The following RALGAPA2 variants were observed in gnomAD, a reference collection of about 807,000 sequenced individuals.
RALGAPA2 encodes Ral GTPase activating protein catalytic subunit alpha 2.
A neutral mutation model predicts 230.4 loss-of-function variants in RALGAPA2; 139 were observed. The observed-to-expected ratio is 0.60, with a 90% confidence interval of 0.53 to 0.69. The LOEUF (loss-of-function observed/expected upper bound fraction) is 0.69, where lower values mean the gene tolerates loss of function less well. Ranked by LOEUF, RALGAPA2 falls within the 30% of genes least tolerant of loss-of-function variation. RALGAPA2 has a pLI of 0.00. For missense variants in RALGAPA2, 2,163 were observed against 2,276.0 expected, an observed-to-expected ratio of 0.95 and a Z score of 1.01; for synonymous variants, 847 against 837.8, an observed-to-expected ratio of 1.01 and a Z score of -0.19.
At chr20:20,585,506 G>A (rs1007131881) in intron 18 of RALGAPA2, among the ~76,000 whole-genome samples, 1 of 152,076 alleles carries the variant, frequency 6.6e-6, no homozygotes, top group African/African-American at 2.4e-5. Flanking sequence ...TGCTTGGAGA[G>A]ACAAAACATA....
At chr20:20,699,871 G>C (rs1191258155) in intron 1 of RALGAPA2, among the ~76,000 whole-genome samples, 1 of 152,152 alleles carries the variant, frequency 6.6e-6, no homozygotes, top group Non-Finnish European at 1.5e-5. Context: ...ATGTAAATTA[G>C]CTCAGCCAAT....
chr20:20,485,823 T>C (rs1404858497), intron 36 of RALGAPA2, among the ~76,000 whole-genome samples: 3 of 152,204 alleles, frequency 2.0e-5, no homozygotes, highest in African/African-American at 4.8e-5. Context: ...CTGGAACATA[T>C]TGTTATCTGT....
At position 20,511,260 on chromosome 20, in the gene RALGAPA2, CG is replaced by C; in HGVS notation, c.4921del (p.Arg1641AlafsTer77). 6.3e-7 allele frequency: 1 copy of C among 1,575,650 alleles called. No homozygotes were observed. Among genetic ancestry groups the C allele is most frequent in the Non-Finnish European group, 8.6e-7 (1 of 1,159,722 alleles). On this transcript the variant is annotated frameshift_variant, in exon 33 of 40. Transcript: ENST00000202677. LOFTEE classifies it high-confidence loss of function. ...LLRELKNLDS[R>X]QCRETHKIAV... ...TTGATATACTTTCACATACCACTGG[CG>C]GGAGTCCAAATTTTTCAGCTCTCTC...
At chr20:20,596,352 A>G (rs16982011) in intron 16 of RALGAPA2, among the ~76,000 whole-genome samples, 1,671 of 152,368 alleles carry the variant, frequency 0.011, 27 homozygotes, top group African/African-American at 0.038. Context: ...CAAAATTAGC[A>G]ATCATGTTAA....
At chr20:20,526,104 C>T in intron 28 of RALGAPA2, 148 bp downstream of exon 28, 1 of 637,968 alleles carries the variant, frequency 1.6e-6, no homozygotes, top group South Asian at 2.2e-5. Flanking sequence ...CTGAGAAGAA[C>T]CAGTCTAACT....
chr20:20,526,306 GGAA>G lies in RALGAPA2; in HGVS notation c.3636_3638del (p.Ser1213del). ...CAAACATCTGAAGCTTCTCCCAGTAGGAAACCAGCAACTGAAGGACATCGCAAG... is the reference window on the plus strand; with the variant it reads ...CAAACATCTGAAGCTTCTCCCAGTAGACCAGCAACTGAAGGACATCGCAAG... On this transcript the variant is annotated inframe_deletion, in exon 28 of 40. Transcript: ENST00000202677. 1 of 1,608,806 alleles carries G rather than the reference GGAA, an allele frequency of 6.2e-7. No homozygotes were observed. Among genetic ancestry groups the G allele is most frequent in the Non-Finnish European group, 8.5e-7 (1 of 1,178,636 alleles).
Position 20,556,319 on chromosome 20 carries a change from G to A in RALGAPA2, c.3157-9487C>T, listed in dbSNP as rs148919736. ...ATCAAGAGGGGCTGCTGTCTTTCACGTGTGCTTCCTATAATGGGCACTTCA... is the reference window on the plus strand; with the variant it reads ...ATCAAGAGGGGCTGCTGTCTTTCACATGTGCTTCCTATAATGGGCACTTCA... On this transcript the variant is annotated intron_variant, in intron 23 of 39. Transcript: ENST00000202677. Among the ~76,000 whole-genome samples, 11 of 152,288 alleles carry A rather than the reference G, an allele frequency of 7.2e-5. No homozygotes were observed. In the East Asian group the frequency reaches 2.1e-3, roughly 29 times the overall value.
chr20:20,442,314 A>G (rs1569404120), intron 37 of RALGAPA2, among the ~76,000 whole-genome samples: 1 of 152,230 alleles, frequency 6.6e-6, no homozygotes, highest in Non-Finnish European at 1.5e-5. Context: ...GCCAAGAGAT[A>G]CTTGGTGGGA....
chr20:20,616,847 G>A (rs2056749001), intron 12 of RALGAPA2, among the ~76,000 whole-genome samples: 1 of 152,172 alleles, frequency 6.6e-6, no homozygotes, highest in South Asian at 2.1e-4. Flanking sequence ...TAAAAGCTGA[G>A]ATTTCAAAAA....
At chr20:20,448,998 T>C (rs2060928232) in intron 37 of RALGAPA2, among the ~76,000 whole-genome samples, 1 of 152,066 alleles carries the variant, frequency 6.6e-6, no homozygotes, top group Non-Finnish European at 1.5e-5. Flanking sequence ...GGAATGCACA[T>C]CTTATTTAAC....
intron 31 of RALGAPA2, 45 bp from the exon 32 acceptor site, chr20:20,513,329 A>T: frequency 7.5e-7 from 1 of 1,328,284 alleles, no homozygotes; most frequent in Non-Finnish European, 9.7e-7. Context: ...TGGTGAATGA[A>T]GATTAAAACT....
intron 38 of RALGAPA2, among the ~76,000 whole-genome samples, chr20:20,399,343 CAAA>C (rs11396922): frequency 2.6e-5 from 3 of 115,980 alleles, no homozygotes; most frequent in Admixed American, 9.0e-5. Context: ...AACTCCGTCT[CAAA>C]AAAAAAAAAA....
chr20:20,650,538 C>A (rs2067362822), intron 4 of RALGAPA2, among the ~76,000 whole-genome samples: 2 of 152,130 alleles, frequency 1.3e-5, no homozygotes, highest in African/African-American at 4.8e-5. Context: ...AATACCCTGT[C>A]CCCCACCAGC....
intron 16 of RALGAPA2, among the ~76,000 whole-genome samples, chr20:20,600,609 A>G (rs551077422): frequency 1.1e-4 from 16 of 152,356 alleles, no homozygotes; most frequent in African/African-American, 3.6e-4. Context: ...AGCACTATAG[A>G]ATATGTTAAG....
chr20:20,594,974 C>T lies in RALGAPA2; in HGVS notation c.2204-3660G>A, dbSNP rs568220415. ...TGACCTCATGATCCACCCGCCTTGG[C>T]CTCCCAAAGTATTGGGATTACAAAG... On this transcript the variant is annotated intron_variant, in intron 16 of 39. Coordinates refer to ENST00000202677, the MANE Select transcript of RALGAPA2 (RefSeq NM_020343.4). Among the ~76,000 whole-genome samples the T allele has an allele frequency of 3.9e-5, 6 of 152,226 alleles. No homozygotes were observed. In the East Asian group the frequency reaches 9.7e-4, roughly 24 times the overall value.
Position 20,595,908 on chromosome 20 carries a change from C to T in RALGAPA2, c.2204-4594G>A, listed in dbSNP as rs182209680. On this transcript the variant is annotated intron_variant, in intron 16 of 39. Transcript: ENST00000202677. ...GGCAGAGGTTGCAGTGGGCCAAGATCGCACCAGTGCACTCCAGCCTGAGGT... is the reference window on the plus strand; with the variant it reads ...GGCAGAGGTTGCAGTGGGCCAAGATTGCACCAGTGCACTCCAGCCTGAGGT... Among the ~76,000 whole-genome samples the T allele has an allele frequency of 2.9e-3, 446 of 151,948 alleles. 2 individuals carry two copies. The highest frequency in any genetic ancestry group is 0.01 in the African/African-American group (423 of 41,406).
chr20:20,538,354 C>T (rs889011577), intron 24 of RALGAPA2, among the ~76,000 whole-genome samples: 3 of 152,088 alleles, frequency 2.0e-5, no homozygotes, highest in Middle Eastern at 3.4e-3. Flanking sequence ...GGCAGGCTGG[C>T]GGTGGGTGAG....
At chr20:20,578,764 G>A (rs1200666407) in intron 20 of RALGAPA2, among the ~76,000 whole-genome samples, 1 of 152,104 alleles carries the variant, frequency 6.6e-6, no homozygotes, top group African/African-American at 2.4e-5. Context: ...CTTAATTCTA[G>A]AGCCAGAAAA....
At chr20:20,472,634 A>G in intron 37 of RALGAPA2, 195 bp downstream of exon 37, 1 of 448,542 alleles carries the variant, frequency 2.2e-6, no homozygotes, top group Non-Finnish European at 3.7e-6. Context: ...TCTAAGTTTA[A>G]TGCAGCATAA....
Sources: gnomAD v4.1 joint callset for allele counts (sites outside exome capture counted in the v4.1 genomes callset) on GRCh38, gnomAD v4.1.1 for gene constraint, MANE v1.5 for transcripts, NCBI Gene and HGNC (gene_info 2026-07-23, HGNC 2026-07-21) for gene names.